CATSPER2: variants seen among roughly 807,000 people sequenced by gnomAD.
CATSPER2 encodes cation channel sperm associated 2, also known as cation channel sperm-associated protein 2.
CATSPER2 carries 56 observed loss-of-function variants against 68.8 expected under a neutral mutation model. The observed-to-expected ratio is 0.81, with a 90% CI of 0.66 to 1.02. CATSPER2 has a LOEUF of 1.02. Among genes scored for constraint, CATSPER2 ranks in the 50% least tolerant of loss-of-function variants. The pLI, the probability that CATSPER2 is intolerant of heterozygous loss-of-function variation, is 0.00. For missense variants in CATSPER2, 582 were observed against 642.0 expected (o/e 0.91, Z 1.01); for synonymous variants, 198 against 229.9 (o/e 0.86, Z 1.26).
rs2086197845 is a variant in CATSPER2 at position 43,647,791 on chromosome 15, A to G, written c.145+126T>C. On this transcript the variant is annotated intron_variant, in intron 2 of 12. Coordinates refer to ENST00000396879, the MANE Select transcript of CATSPER2 (RefSeq NM_172095.4). ...GGATTCTATCTCTTCAGTTTTATTT[A>G]CAAGCCCTTGATTTATCAAGTTTGG... 4 of 1,089,662 alleles carry G rather than the reference A, an allele frequency of 3.7e-6. No homozygotes were observed. In the Admixed American group the frequency reaches 7.2e-5, roughly 20 times the overall value. 67.5% of individuals were successfully genotyped at this position (1,089,662 alleles called of 1,614,324 possible).
At chr15:43,639,346 G>T (rs998531235) in intron 6 of CATSPER2, 2 of 446,078 alleles carry the variant, frequency 4.5e-6, no homozygotes, top group African/African-American at 4.1e-5. Context: ...CCGGGTTCAA[G>T]TGATTCTTCT....
intron 4 of CATSPER2, among the ~76,000 whole-genome samples, chr15:43,646,554 C>T (rs1463084002): frequency 4.6e-5 from 7 of 151,508 alleles, no homozygotes; most frequent in African/African-American, 1.7e-4. Context: ...AGCTACCGTG[C>T]CCAGCGAATA....
intron 10 of CATSPER2, chr15:43,635,136 A>C: frequency 1.7e-6 from 1 of 597,780 alleles, no homozygotes; most frequent in East Asian, 3.0e-5. Flanking sequence ...ATCTCATCTC[A>C]AGATCCTTAA....
rs2086202157 is a variant in CATSPER2 at position 43,647,982 on chromosome 15, G to A, written c.80C>T (p.Ser27Phe). The A allele has an allele frequency of 1.2e-6, 2 of 1,613,720 alleles. No individual in the cohort carries two copies. The change falls in exon 2 of 13, where the codon TCT becomes TTT. Residue 27 changes from serine (S) to phenylalanine (F), a missense_variant. Around this residue, in one of 5 missense-constraint regions of CATSPER2, gnomAD observed 197 missense variants for 191.0 expected, o/e 1.03. Coordinates refer to ENST00000396879, the MANE Select transcript of CATSPER2 (RefSeq NM_172095.4). ...AIRSRLIDTFSLIEHLQGLSQ... is the reference protein window; with the variant it reads ...AIRSRLIDTFFLIEHLQGLSQ... The stretch of plus-strand genomic sequence containing the variant: ...CAAGCCTTGCAAATGCTCAATGAGA[G>A]AGAAAGTATCGATGAGACGTGAACG...
chr15:43,641,765 G>A (rs1428110848), intron 4 of CATSPER2, among the ~76,000 whole-genome samples: 1 of 152,024 alleles, frequency 6.6e-6, no homozygotes, highest in Admixed American at 6.6e-5. Context: ...GAGGAGTGCA[G>A]TTGCATAATC....
chr15:43,634,686 A>G (rs1295716106), intron 10 of CATSPER2: 1 of 153,006 alleles, frequency 6.5e-6, no homozygotes, highest in Admixed American at 6.5e-5. Context: ...GCCAGTAATT[A>G]TTTGTTAATA....
chr15:43,641,675 C>T (rs1160683491), intron 4 of CATSPER2, among the ~76,000 whole-genome samples: 1 of 151,844 alleles, frequency 6.6e-6, no homozygotes, highest in Admixed American at 6.6e-5. Flanking sequence ...AGGTTGGCCC[C>T]TTCTAAAAAC....
chr15:43,636,109 C>T lies in CATSPER2; in HGVS notation c.953G>A (p.Ser318Asn). ...KVPEVSRIFSSIYFILWLLLG... is the reference protein window; with the variant it reads ...KVPEVSRIFSNIYFILWLLLG... Reference sequence around the variant, plus strand: ...CAACAACCAAAGGATGAAATAGATGCTGCTGAAGATGCGACTGACTTCAGG... The same window carrying T: ...CAACAACCAAAGGATGAAATAGATGTTGCTGAAGATGCGACTGACTTCAGG... Residue 318 changes from serine to asparagine, a missense_variant, in exon 8 of 13, where the codon AGC becomes AAC. Ser to Asn is a conservative substitution (Grantham distance 46). Transcript: ENST00000396879. 3 of 1,599,506 alleles carry T rather than the reference C, an allele frequency of 1.9e-6. No homozygotes were observed. Among genetic ancestry groups the T allele is most frequent in the Non-Finnish European group, 2.6e-6 (3 of 1,168,930 alleles).
chr15:43,647,423 G>C lies in CATSPER2; in HGVS notation c.190C>G (p.Leu64Val). 6.2e-7 allele frequency: 1 copy of C among 1,613,608 alleles called. No homozygotes were observed. Among genetic ancestry groups the C allele is most frequent in the Non-Finnish European group, 8.5e-7 (1 of 1,179,686 alleles). The change falls in exon 3 of 13, where the codon CTA becomes GTA. Residue 64 changes from leucine (L) to valine (V), a missense_variant. Coordinates refer to ENST00000396879, the MANE Select transcript of CATSPER2 (RefSeq NM_172095.4). The part of the protein sequence containing the change: ...KKLVLGDQHQ[L>V]VRFSIKPQRI... ...TGAGGCTTTATAGAGAAACGCACTA[G>C]CTGGTGTTGATCTCCCAATACAAGT...
At position 43,640,404 on chromosome 15, in the gene CATSPER2, T is replaced by A; in HGVS notation, c.481A>T (p.Ile161Phe). 1 of 1,612,916 alleles carries A rather than the reference T, an allele frequency of 6.2e-7. No individual in the cohort carries two copies. Residue 161 changes from isoleucine (I) to phenylalanine (F), a missense_variant, in exon 5 of 13, where the codon ATC (isoleucine) becomes TTC (phenylalanine). Physicochemically the swap from Ile to Phe is conservative, Grantham distance 21. Transcript: ENST00000396879. The stretch of plus-strand genomic sequence containing the variant: ...AAGTTGGATAGCCACTTAAGAAGGA[T>A]CTCCAGGATGAAAATAAGCAAGATA... Reference protein sequence around the residue: ...WFILLIFILEILLKWLSNFSV... With the variant: ...WFILLIFILEFLLKWLSNFSV...
intron 7 of CATSPER2, among the ~76,000 whole-genome samples, chr15:43,638,108 C>T (rs1218056597): frequency 6.6e-6 from 1 of 151,008 alleles, no homozygotes; most frequent in African/African-American, 2.4e-5. Flanking sequence ...GCGCCCACCA[C>T]CACACCTGGC....
Position 43,647,129 on chromosome 15 carries a change from T to C in CATSPER2, c.320-11A>G, listed in dbSNP as rs1396003948. On this transcript the variant is annotated splice_polypyrimidine_tract_variant and intron_variant, in intron 3 of 12. Coordinates refer to ENST00000396879, the MANE Select transcript of CATSPER2 (RefSeq NM_172095.4). ...TTTTGAAGAGAGGACCTGTTGTCTCTTAAGGAAATGTACAGAGTGGAGTTC... is the reference window on the plus strand; with the variant it reads ...TTTTGAAGAGAGGACCTGTTGTCTCCTAAGGAAATGTACAGAGTGGAGTTC... 2 of 1,608,406 alleles carry C rather than the reference T, an allele frequency of 1.2e-6. No homozygotes were observed. The highest frequency in any genetic ancestry group is 1.1e-5 in the South Asian group (1 of 90,964).
At chr15:43,632,053 C>T in intron 12 of CATSPER2, 146 bp downstream of exon 12, 1 of 886,606 alleles carries the variant, frequency 1.1e-6, no homozygotes, top group Non-Finnish European at 1.8e-6. Flanking sequence ...CATACCAAAC[C>T]AAGAATTTTA....
chr15:43,633,698 C>G (rs2085915231), intron 10 of CATSPER2: 3 of 151,812 alleles, frequency 2.0e-5, no homozygotes, highest in Admixed American at 2.0e-4. Context: ...AATCCTAACA[C>G]TTTTGGAGGC....
In CATSPER2 at chr15:43,635,100, A is replaced by G. The variant is rs574126944; in HGVS notation, c.1178+260T>C. ...TATAAGGACCCTTGCCATTGGATTT[A>G]GGACCTACCTGGATAATCTAGGATG... On this transcript the variant is annotated intron_variant, in intron 10 of 12. Coordinates refer to ENST00000396879, the MANE Select transcript of CATSPER2 (RefSeq NM_172095.4). 3.9e-3 allele frequency: 2,089 copies of G among 536,682 alleles called. 71 individuals are homozygous for G. The South Asian group carries it at 0.044, about 11-fold the overall frequency. 33.2% of individuals were successfully genotyped at this position (536,682 alleles called of 1,614,324 possible). A position where few individuals can be genotyped will look rare whatever the true frequency, so the allele number is the denominator to read the frequency against.
At chr15:43,638,449 T>C (rs1014725454) in intron 7 of CATSPER2, among the ~76,000 whole-genome samples, 7 of 151,252 alleles carry the variant, frequency 4.6e-5, no homozygotes, top group African/African-American at 1.7e-4. Context: ...CCACCACGGC[T>C]GGCTAATTTT....
chr15:43,648,132 T>G (rs904805113), intron 1 of CATSPER2, 69 bp from the exon 2 acceptor site: 14 of 1,552,310 alleles, frequency 9.0e-6, no homozygotes, highest in African/African-American at 1.4e-5. Flanking sequence ...ACAGGTTTTC[T>G]GTCCCCTCCT....
rs1169189247 is a variant in CATSPER2, at chr15:43,629,496, T to C, written c.*1205A>G. On this transcript the variant is annotated 3_prime_UTR_variant, in exon 13 of 13. Transcript: ENST00000396879. ...GCATACTCTATATACAGTATATATA[T>C]ACTAAATATATAAATAACCTCATAC... The C allele has an allele frequency of 3.7e-5, 5 of 135,592 alleles. No homozygotes were observed. The highest frequency in any genetic ancestry group is 1.4e-4 in the African/African-American group (4 of 29,432). The allele number at this position is 135,592 out of a possible 1,614,324, so 8.4% of individuals were successfully genotyped here.
chr15:43,632,045 T>C (rs1166942610), intron 12 of CATSPER2, among the ~76,000 whole-genome samples, 154 bp downstream of exon 12: 1 of 151,956 alleles, frequency 6.6e-6, no homozygotes, highest in Non-Finnish European at 1.5e-5. Flanking sequence ...GAATGTGACA[T>C]ACCAAACCAA....
Sources: allele counts gnomAD v4.1 joint callset (sites outside exome capture counted in the v4.1 genomes callset), GRCh38; gene constraint gnomAD v4.1.1; regional missense constraint gnomAD v4.1.1; transcripts MANE v1.5; gene names NCBI Gene and HGNC (gene_info 2026-07-23, HGNC 2026-07-21).